The following MAEA variants were observed in gnomAD, a reference collection of about 807,000 sequenced individuals.
MAEA encodes macrophage erythroblast attacher, E3 ubiquitin ligase.
MAEA carries 22 observed loss-of-function variants against 46.2 expected under a neutral mutation model. The ratio of observed to expected loss-of-function variants is 0.48; its 90% CI spans 0.34 to 0.68. The LOEUF is 0.68. MAEA is among the 30% of genes least tolerant of loss of function. MAEA has a pLI of 0.01. For synonymous variants in MAEA, 246 were observed against 222.6 expected (o/e 1.11, Z -0.94); for missense variants, 393 against 558.1 (o/e 0.70, Z 2.98).
intron 2 of MAEA, 150 bp from the exon 3 acceptor site, chr4:1,315,247 A>C (rs535629711): frequency 1.5e-6 from 1 of 680,486 alleles, no homozygotes; most frequent in East Asian, 2.7e-5. Context: ...ACACCTGCCT[A>C]GCGGACTCGG....
At chr4:1,317,957 T>G (rs1305604981) in intron 3 of MAEA, among the ~76,000 whole-genome samples, 3 of 152,092 alleles carry the variant, frequency 2.0e-5, no homozygotes, top group African/African-American at 7.2e-5. Context: ...CCCCATCTGG[T>G]GCCATTTTTC....
At chr4:1,338,974 A>G (rs1713177104) in intron 8 of MAEA, 100 bp from the exon 9 acceptor site, 3 of 995,926 alleles carry the variant, frequency 3.0e-6, no homozygotes, top group Non-Finnish European at 4.7e-6. Flanking sequence ...GCCTGAGAGG[A>G]TGAGTCATTC....
chr4:1,338,676 T>G, intron 8 of MAEA, 59 bp downstream of exon 8: 1 of 1,477,544 alleles, frequency 6.8e-7, no homozygotes. Flanking sequence ...GACAGGGCTG[T>G]GTGGGACGGG....
chr4:1,314,223 A>G (rs1221465986), intron 2 of MAEA, among the ~76,000 whole-genome samples: 2 of 151,972 alleles, frequency 1.3e-5, no homozygotes, highest in Non-Finnish European at 2.9e-5. Context: ...GCTACTCGGG[A>G]GGCTGAGGCA....
At chr4:1,319,255 C>T (rs1436604186) in intron 3 of MAEA, among the ~76,000 whole-genome samples, 2 of 151,954 alleles carry the variant, frequency 1.3e-5, no homozygotes, top group Admixed American at 6.5e-5. Flanking sequence ...CTGGAGGCTG[C>T]AGTGGGAGGA....
intron 7 of MAEA, chr4:1,337,306 T>G (rs1253464100): frequency 3.0e-6 from 1 of 337,396 alleles, no homozygotes; most frequent in African/African-American, 2.9e-5. Context: ...CCATTCAGAA[T>G]AGTTTTCCCG....
At chr4:1,302,240 T>G (rs79358245) in intron 1 of MAEA, among the ~76,000 whole-genome samples, 13,547 of 152,262 alleles carry the variant, frequency 0.089, 1,273 homozygotes, top group East Asian at 0.42. Flanking sequence ...ATTAATAGAA[T>G]GAAGGACAAC....
chr4:1,308,524 C>T (rs918437464), intron 1 of MAEA, among the ~76,000 whole-genome samples: 6 of 152,250 alleles, frequency 3.9e-5, no homozygotes, highest in African/African-American at 9.6e-5. Flanking sequence ...CACGCTGCGC[C>T]GGGCACGTTC....
At chr4:1,309,713 G>A in intron 1 of MAEA, 1 of 1,525,882 alleles carries the variant, frequency 6.6e-7, no homozygotes, top group South Asian at 1.2e-5. Context: ...CGTGGCCCCG[G>A]TGAGCCCCTC....
At chr4:1,332,482 G>T in intron 5 of MAEA, 1 of 310,666 alleles carries the variant, frequency 3.2e-6, no homozygotes, top group Non-Finnish European at 6.1e-6. Flanking sequence ...TGGGAGGCCG[G>T]GGCAGGAAGA....
At chr4:1,329,759 G>A (rs1054530124) in intron 5 of MAEA, 16 of 985,538 alleles carry the variant, frequency 1.6e-5, no homozygotes, top group Non-Finnish European at 1.8e-5. Flanking sequence ...CGGGTGTTTG[G>A]CTGGGAGCCC....
intron 3 of MAEA, among the ~76,000 whole-genome samples, chr4:1,319,777 G>C (rs1193079783): frequency 8.6e-6 from 1 of 115,918 alleles, no homozygotes; most frequent in Admixed American, 9.9e-5. Context: ...GCAAAACAAA[G>C]TAAGACTTTG....
At chr4:1,321,620 T>C (rs1433738001) in intron 3 of MAEA, among the ~76,000 whole-genome samples, 2 of 152,298 alleles carry the variant, frequency 1.3e-5, no homozygotes, top group South Asian at 4.1e-4. Context: ...TCCTGGGCCG[T>C]TGGGTCCTGG....
At chr4:1,324,977 CCTGAA>C (rs1339183417) in intron 4 of MAEA, among the ~76,000 whole-genome samples, 8 of 152,146 alleles carry the variant, frequency 5.3e-5, no homozygotes, top group African/African-American at 1.9e-4. Context: ...CTGGACGGGG[CCTGAA>C]TCCATATTTA....
chr4:1,336,794 C>T lies in MAEA; in HGVS notation c.766-67C>T, dbSNP rs115114280. 1,718 of 1,519,362 alleles carry T rather than the reference C, an allele frequency of 1.1e-3. 17 individuals are homozygous for T. The African/African-American group carries it at 0.02, about 18-fold the overall frequency. The allele number at this position is 1,519,362 out of a possible 1,614,324, so 94.1% of individuals were successfully genotyped here. On this transcript the variant is annotated intron_variant, in intron 6 of 8. Coordinates refer to ENST00000303400, the MANE Select transcript of MAEA (RefSeq NM_001017405.3). ...ATGGCACCTGCTTCACCATGGTCCA[C>T]GTTTTTAAGCTGTCCCAGGAGCTTC... is the stretch of plus-strand genomic sequence containing the variant.
chr4:1,330,195 G>T, intron 5 of MAEA: 1 of 964,280 alleles, frequency 1.0e-6, no homozygotes, highest in Non-Finnish European at 1.2e-6. Flanking sequence ...GACCCCAGGC[G>T]GCTGGGACCT....
Position 1,327,558 on chromosome 4 carries a change from G to A in MAEA, c.580-69G>A, listed in dbSNP as rs1739005542. ...GTGGGGTCTGCTGGTGGACATGCGGGTGCGGCACCCGGGCACCTGGGCTCT... is the reference window on the plus strand; with the variant it reads ...GTGGGGTCTGCTGGTGGACATGCGGATGCGGCACCCGGGCACCTGGGCTCT... On this transcript the variant is annotated intron_variant, in intron 4 of 8. Coordinates refer to ENST00000303400, the MANE Select transcript of MAEA (RefSeq NM_001017405.3). The A allele has an allele frequency of 4.7e-6, 5 of 1,058,194 alleles. No homozygotes were observed. In the South Asian group the frequency reaches 5.0e-5, roughly 11 times the overall value. 65.6% of individuals were successfully genotyped at this position (1,058,194 alleles called of 1,614,324 possible).
At chr4:1,328,715 A>G (rs1251470114) in intron 5 of MAEA, 8 of 1,263,786 alleles carry the variant, frequency 6.3e-6, no homozygotes, top group African/African-American at 1.5e-5. Context: ...GGTGGTCCCC[A>G]AGACGCACGG....
At chr4:1,323,748 G>A in intron 4 of MAEA, 2 of 638,710 alleles carry the variant, frequency 3.1e-6, no homozygotes, top group South Asian at 3.5e-5. Flanking sequence ...GTGCTGCCAG[G>A]ATATTCCTGC....
Sources: gnomAD v4.1 joint callset for allele counts (sites outside exome capture counted in the v4.1 genomes callset) on GRCh38, gnomAD v4.1.1 for gene constraint, MANE v1.5 for transcripts, NCBI Gene and HGNC (gene_info 2026-07-23, HGNC 2026-07-21) for gene names.